MTUS2: variants seen among roughly 807,000 people sequenced by gnomAD.
The protein encoded by MTUS2 is microtubule associated scaffold protein 2, also known as microtubule-associated tumor suppressor candidate 2.
Under a neutral mutation model 114.1 loss-of-function variants are expected in MTUS2, and 40 were observed. The observed-to-expected ratio is 0.35, with a 90% confidence interval of 0.27 to 0.46. The LOEUF (loss-of-function observed/expected upper bound fraction) is 0.46. MTUS2 is among the 20% of genes least tolerant of loss of function. The probability of loss-of-function intolerance (pLI) is 1.00; values close to 1 mark genes in which losing one functional copy is unlikely to be tolerated. For missense variants in MTUS2, 1,679 were observed against 1,705.4 expected (o/e 0.98, Z 0.27); for synonymous variants, 688 against 672.0 (o/e 1.02, Z -0.37).
chr13:29,164,905 G>A (rs1157332561), intron 5 of MTUS2, among the ~76,000 whole-genome samples: 1 of 152,126 alleles, frequency 6.6e-6, no homozygotes, highest in Non-Finnish European at 1.5e-5. Flanking sequence ...CTGAAATTAT[G>A]GGAAAGGGCT....
intron 2 of MTUS2, among the ~76,000 whole-genome samples, chr13:28,952,509 C>T (rs1427667948): frequency 2.6e-4 from 39 of 152,116 alleles, no homozygotes. Flanking sequence ...ATTGGGTGTT[C>T]TTTCAGATTT....
chr13:28,978,678 G>T (rs936676639), intron 2 of MTUS2, among the ~76,000 whole-genome samples: 1 of 152,176 alleles, frequency 6.6e-6, no homozygotes, highest in East Asian at 1.9e-4. Flanking sequence ...TGTACTGCAG[G>T]TATGTATGTC....
At chr13:29,102,178 C>A (rs1266396348) in intron 5 of MTUS2, among the ~76,000 whole-genome samples, 2 of 152,136 alleles carry the variant, frequency 1.3e-5, no homozygotes, top group African/African-American at 4.8e-5. Flanking sequence ...ATGTGTAATT[C>A]ATGTTTTGAG....
At chr13:28,844,518 C>T (rs1875729180) in intron 2 of MTUS2, among the ~76,000 whole-genome samples, 1 of 151,030 alleles carries the variant, frequency 6.6e-6, no homozygotes, top group Non-Finnish European at 1.5e-5. Context: ...AAGTACTCGT[C>T]CACCCCACAT....
intron 1 of MTUS2, among the ~76,000 whole-genome samples, chr13:28,822,280 C>T (rs1873955405): frequency 6.6e-6 from 1 of 152,114 alleles, no homozygotes; most frequent in Non-Finnish European, 1.5e-5. Flanking sequence ...GCTTTTGGTA[C>T]TCCATTAAAC....
At chr13:29,339,166 C>G (rs1901248741) in intron 7 of MTUS2, among the ~76,000 whole-genome samples, 1 of 152,016 alleles carries the variant, frequency 6.6e-6, no homozygotes, top group Admixed American at 6.6e-5. Context: ...ATTGTTGCAC[C>G]TACTCCTAGA....
chr13:29,276,415 G>C (rs1898065515), intron 5 of MTUS2, among the ~76,000 whole-genome samples: 1 of 152,168 alleles, frequency 6.6e-6, no homozygotes, highest in Non-Finnish European at 1.5e-5. Flanking sequence ...TGATGATTCA[G>C]ATATCTACAG....
At chr13:28,923,352 A>C (rs1881152236) in intron 2 of MTUS2, among the ~76,000 whole-genome samples, 1 of 152,228 alleles carries the variant, frequency 6.6e-6, no homozygotes, top group African/African-American at 2.4e-5. Flanking sequence ...TGTGTTCTGG[A>C]CATTTTGGTT....
At position 29,503,242 on chromosome 13, in the gene MTUS2, G is replaced by A. The variant is rs372583950; in HGVS notation, c.*36G>A. On this transcript the variant is annotated 3_prime_UTR_variant, in exon 16 of 16. Transcript: ENST00000612955. ...CGGCCTGCGGGAGCTCCGGCTTCTC[G>A]TCCTCCGGTCTCCACCCTGAGGGAG... 789 of 1,606,564 alleles carry A rather than the reference G, an allele frequency of 4.9e-4. 1 individual carries two copies. The highest frequency in any genetic ancestry group is 6.1e-4 in the Non-Finnish European group (720 of 1,177,130).
In MTUS2 at chr13:28,998,886, G is replaced by T. The variant is rs1365711370; in HGVS notation, c.-242-25571G>T. ...TTGATCTTCTGAAGCCTTCTTCTCT[G>T]AACTTGTCAAAGTCATTCTCTATCC... On this transcript the variant is annotated intron_variant, in intron 2 of 15. Coordinates refer to ENST00000612955, the MANE Select transcript of MTUS2 (RefSeq NM_001033602.4). Among the ~76,000 whole-genome samples, 5 of 152,100 alleles carry T rather than the reference G, an allele frequency of 3.3e-5. No individual in the cohort carries two copies. The South Asian group carries it at 1.0e-3, about 32-fold the overall frequency.
intron 5 of MTUS2, among the ~76,000 whole-genome samples, chr13:29,257,897 C>T (rs1593230857): frequency 6.6e-6 from 1 of 152,296 alleles, no homozygotes; most frequent in Admixed American, 6.5e-5. Flanking sequence ...GCCAGGGTGG[C>T]CTCAAGAGTC....
At chr13:29,191,865 T>G (rs1894465414) in intron 5 of MTUS2, among the ~76,000 whole-genome samples, 1 of 152,242 alleles carries the variant, frequency 6.6e-6, no homozygotes, top group African/African-American at 2.4e-5. Flanking sequence ...CTATGCCTTC[T>G]TCTTTACCAC....
chr13:28,949,100 A>G (rs1222967808), intron 2 of MTUS2, among the ~76,000 whole-genome samples: 1 of 152,214 alleles, frequency 6.6e-6, no homozygotes, highest in Admixed American at 6.5e-5. Context: ...TTAAGAAGAA[A>G]CTTGTTTTTC....
intron 5 of MTUS2, among the ~76,000 whole-genome samples, chr13:29,244,265 C>T (rs919204114): frequency 6.6e-6 from 1 of 152,080 alleles, no homozygotes; most frequent in Non-Finnish European, 1.5e-5. Context: ...GAAAATAAAA[C>T]CTAAAAGGGC....
intron 2 of MTUS2, among the ~76,000 whole-genome samples, chr13:29,006,050 T>C (rs1885587143): frequency 6.6e-6 from 1 of 152,372 alleles, no homozygotes; most frequent in African/African-American, 2.4e-5. Context: ...ATTTGGTTTC[T>C]AGAACAGAGA....
intron 2 of MTUS2, among the ~76,000 whole-genome samples, chr13:28,945,142 C>T (rs1287588134): frequency 6.6e-6 from 1 of 150,750 alleles, no homozygotes. Context: ...TTGTAAAAGA[C>T]ATGATTCGTT....
At position 28,830,768 on chromosome 13, in the gene MTUS2, A is replaced by G. The variant is rs116897056; in HGVS notation, c.-315-9010A>G. Among the ~76,000 whole-genome samples the G allele has an allele frequency of 3.8e-3, 580 of 152,308 alleles. 4 individuals carry two copies. Among genetic ancestry groups the G allele is most frequent in the Non-Finnish European group, 6.2e-3 (424 of 68,024 alleles). ...GGAAATAATGGACAAAAACTCAAGCAGCAAGAGAGAAGTGAGTAATCATGT... is the reference window on the plus strand; with the variant it reads ...GGAAATAATGGACAAAAACTCAAGCGGCAAGAGAGAAGTGAGTAATCATGT... On this transcript the variant is annotated intron_variant, in intron 1 of 15. Transcript: ENST00000612955.
chr13:29,383,004 G>C (rs1215394367), intron 8 of MTUS2, among the ~76,000 whole-genome samples: 1 of 152,144 alleles, frequency 6.6e-6, no homozygotes, highest in African/African-American at 2.4e-5. Context: ...AGCCGTGTGG[G>C]GACGCAGCGA....
At chr13:29,453,523 T>C (rs564165179) in intron 9 of MTUS2, among the ~76,000 whole-genome samples, 1 of 152,254 alleles carries the variant, frequency 6.6e-6, no homozygotes, top group African/African-American at 2.4e-5. Context: ...ATATCCAGTG[T>C]AGGGAGCAAG....
Sources: gnomAD v4.1 joint callset for allele counts (sites outside exome capture counted in the v4.1 genomes callset) on GRCh38, gnomAD v4.1.1 for gene constraint, MANE v1.5 for transcripts, NCBI Gene and HGNC (gene_info 2026-07-23, HGNC 2026-07-21) for gene names.